MMP16: variants seen among roughly 807,000 people sequenced by gnomAD.
MMP16 encodes matrix metallopeptidase 16, also known as matrix metalloproteinase-16.
A neutral mutation model predicts 67.8 loss-of-function variants in MMP16; 12 were observed. That is an observed-to-expected ratio of 0.18 (90% CI 0.11 to 0.29). MMP16 has a LOEUF of 0.29. Among genes scored for constraint, MMP16 ranks in the 10% least tolerant of loss-of-function variants. The pLI is 1.00. For missense variants in MMP16, 475 were observed against 765.7 expected (o/e 0.62, Z 4.48); for synonymous variants, 249 against 255.9 (o/e 0.97, Z 0.26).
intron 1 of MMP16, among the ~76,000 whole-genome samples, chr8:88,317,421 A>G (rs926667101): frequency 1.3e-5 from 2 of 152,158 alleles, no homozygotes; most frequent in Non-Finnish European, 2.9e-5. Flanking sequence ...TTAACAATTA[A>G]GTATTTTTAA....
At chr8:88,186,131 TAGC>T (rs1482130696) in intron 3 of MMP16, among the ~76,000 whole-genome samples, 1 of 152,294 alleles carries the variant, frequency 6.6e-6, no homozygotes, top group East Asian at 1.9e-4. Flanking sequence ...TCTGTTTAAA[TAGC>T]AGTTATTTAT....
chr8:88,245,698 C>T (rs1810103517), intron 1 of MMP16, among the ~76,000 whole-genome samples: 1 of 152,054 alleles, frequency 6.6e-6, no homozygotes, highest in Admixed American at 6.6e-5. Context: ...CAAGTGGCTG[C>T]AAATTTCAGG....
intron 1 of MMP16, chr8:88,326,862 G>C (rs912401038): frequency 5.9e-6 from 3 of 512,196 alleles, no homozygotes; most frequent in Admixed American, 3.2e-5. Context: ...GCGCAGCATC[G>C]TGCTTTGTGC....
At chr8:88,097,013 T>C (rs1809039793) in intron 6 of MMP16, among the ~76,000 whole-genome samples, 2 of 151,984 alleles carry the variant, frequency 1.3e-5, no homozygotes, top group Non-Finnish European at 2.9e-5. Context: ...CAAAATCTGC[T>C]TTTCCACTGT....
Position 88,218,284 on chromosome 8 carries a change from A to G in MMP16, c.133-20978T>C, listed in dbSNP as rs546966202. On this transcript the variant is annotated intron_variant, in intron 1 of 9. Transcript: ENST00000286614. ...CATTCTAATGATGCACAGGAAGCTA[A>G]GCAAATCTCAATGACCTAAATTAGG... 7.9e-5 allele frequency among the ~76,000 whole-genome samples: 12 copies of G among 152,158 alleles called. No homozygotes were observed. The East Asian group carries it at 1.9e-3, about 24-fold the overall frequency.
intron 1 of MMP16, among the ~76,000 whole-genome samples, chr8:88,297,290 G>A (rs1260318982): frequency 6.6e-6 from 1 of 152,140 alleles, no homozygotes; most frequent in African/African-American, 2.4e-5. Flanking sequence ...AGTGCTCTAA[G>A]GAAGCAGTGC....
At chr8:88,171,477 T>G (rs1437487996) in intron 3 of MMP16, among the ~76,000 whole-genome samples, 2 of 152,156 alleles carry the variant, frequency 1.3e-5, no homozygotes, top group African/African-American at 2.4e-5. Flanking sequence ...AAACGTGAGC[T>G]GAAAGGAAGG....
At chr8:88,252,721 A>G (rs1810245861) in intron 1 of MMP16, among the ~76,000 whole-genome samples, 1 of 151,978 alleles carries the variant, frequency 6.6e-6, no homozygotes, top group South Asian at 2.1e-4. Flanking sequence ...TATCATTCTC[A>G]GAATTTTTAA....
intron 1 of MMP16, among the ~76,000 whole-genome samples, chr8:88,226,086 C>A (rs10094119): frequency 0.5 from 75,788 of 151,718 alleles, 20,899 homozygotes; most frequent in Non-Finnish European, 0.63. Flanking sequence ...TGGCAACTAA[C>A]AAATAGACTG....
In MMP16 at chr8:88,167,656, A is replaced by G; in HGVS notation, c.709+13T>C. On this transcript the variant is annotated intron_variant, in intron 4 of 9. Transcript: ENST00000286614. Reference sequence around the variant, plus strand: ...ATAGAAATATTTACACTGTAAAACAAACATGTACTTACCATCATGATTAGG... The same window carrying G: ...ATAGAAATATTTACACTGTAAAACAGACATGTACTTACCATCATGATTAGG... 1 of 1,593,340 alleles carries G rather than the reference A, an allele frequency of 6.3e-7. No homozygotes were observed. The highest frequency in any genetic ancestry group is 8.6e-7 in the Non-Finnish European group (1 of 1,169,176).
intron 3 of MMP16, among the ~76,000 whole-genome samples, chr8:88,177,124 C>G (rs1182837177): frequency 2.0e-5 from 3 of 152,040 alleles, no homozygotes; most frequent in African/African-American, 7.2e-5. Flanking sequence ...ATTCTTAGCT[C>G]TTATATTTTT....
At chr8:88,236,907 C>G (rs1809950127) in intron 1 of MMP16, among the ~76,000 whole-genome samples, 1 of 152,150 alleles carries the variant, frequency 6.6e-6, no homozygotes, top group South Asian at 2.1e-4. Context: ...CTACATAGCA[C>G]TTAAGGCAAA....
chr8:88,174,002 G>C (rs544774454), intron 3 of MMP16, among the ~76,000 whole-genome samples: 1 of 152,138 alleles, frequency 6.6e-6, no homozygotes, highest in Non-Finnish European at 1.5e-5. Flanking sequence ...GTTCAATGAA[G>C]TCTTTGGGTT....
rs1809445558 is a variant in MMP16, at chr8:88,116,816, GACTA to G, written c.872-102_872-99del. ...CAATCACTTATCAGCAGAAGGCACA[GACTA>G]ACTGAACTAAGAGGTCTTTAAGATC... is the stretch of plus-strand genomic sequence containing the variant. On this transcript the variant is annotated intron_variant, in intron 5 of 9. Transcript: ENST00000286614. 2.8e-6 allele frequency: 3 copies of G among 1,077,822 alleles called. No individual in the cohort carries two copies. In the East Asian group the frequency reaches 7.2e-5, roughly 26 times the overall value. The allele number at this position is 1,077,822 out of a possible 1,614,324, so 66.8% of individuals were successfully genotyped here.
At chr8:88,149,959 T>G (rs1241594487) in intron 4 of MMP16, among the ~76,000 whole-genome samples, 5 of 111,566 alleles carry the variant, frequency 4.5e-5, no homozygotes, top group African/African-American at 1.7e-4. Flanking sequence ...AGTTGAAAAC[T>G]TTGAAAAAAA....
At chr8:88,061,902 T>C (rs1018089895) in intron 7 of MMP16, among the ~76,000 whole-genome samples, 4 of 151,794 alleles carry the variant, frequency 2.6e-5, no homozygotes, top group African/African-American at 7.3e-5. Flanking sequence ...TTTTTTTTTC[T>C]TAACCTGCTA....
intron 4 of MMP16, among the ~76,000 whole-genome samples, chr8:88,158,154 C>A (rs796591014): frequency 4.6e-5 from 7 of 152,230 alleles, no homozygotes; most frequent in African/African-American, 1.7e-4. Context: ...GTCTTTATAG[C>A]AGCATGATTT....
At chr8:88,157,719 T>C (rs1231134046) in intron 4 of MMP16, among the ~76,000 whole-genome samples, 7 of 152,146 alleles carry the variant, frequency 4.6e-5, no homozygotes, top group Admixed American at 4.6e-4. Flanking sequence ...ATGTGCACAA[T>C]GTGCAGGTTT....
chr8:88,057,574 C>T (rs1178589601), intron 7 of MMP16, among the ~76,000 whole-genome samples: 1 of 152,028 alleles, frequency 6.6e-6, no homozygotes. Flanking sequence ...TATTTCAAAA[C>T]CACCCACAGA....
Sources: gnomAD v4.1 joint callset for allele counts (sites outside exome capture counted in the v4.1 genomes callset) on GRCh38, gnomAD v4.1.1 for gene constraint, MANE v1.5 for transcripts, NCBI Gene and HGNC (gene_info 2026-07-23, HGNC 2026-07-21) for gene names.